EPHA5: variants seen among roughly 807,000 people sequenced by gnomAD.
EPHA5 encodes the protein EPH receptor A5.
EPHA5 carries 60 observed loss-of-function variants against 105.0 expected under a neutral mutation model. That is an observed-to-expected ratio of 0.57 (90% CI 0.46 to 0.71). The LOEUF (loss-of-function observed/expected upper bound fraction) is 0.71, where lower values mean the gene tolerates loss of function less well. Among genes scored for constraint, EPHA5 ranks in the 30% least tolerant of loss-of-function variants. The pLI is 0.00. For synonymous variants in EPHA5, 513 were observed against 449.1 expected (o/e 1.14, Z -1.80); for missense variants, 1,218 against 1,274.7 (o/e 0.96, Z 0.68).
At chr4:65,491,578 G>C (rs1376367823) in intron 4 of EPHA5, among the ~76,000 whole-genome samples, 1 of 152,018 alleles carries the variant, frequency 6.6e-6, no homozygotes, top group South Asian at 2.1e-4. Flanking sequence ...GCTTTCAGGA[G>C]TGAAACTTCC....
chr4:65,621,849 G>A (rs1434003444), intron 2 of EPHA5, among the ~76,000 whole-genome samples: 2 of 151,988 alleles, frequency 1.3e-5, no homozygotes, highest in Admixed American at 6.6e-5. Flanking sequence ...GCATCCCTAC[G>A]TATGTCTGTG....
chr4:65,333,228 T>C (rs1469027653), intron 15 of EPHA5, among the ~76,000 whole-genome samples: 2 of 151,640 alleles, frequency 1.3e-5, no homozygotes, highest in East Asian at 1.9e-4. Context: ...TTTACTTAAG[T>C]AAATTGCAAC....
intron 14 of EPHA5, among the ~76,000 whole-genome samples, chr4:65,347,294 A>G (rs1722316246): frequency 6.6e-6 from 1 of 152,212 alleles, no homozygotes; most frequent in African/African-American, 2.4e-5. Flanking sequence ...ATGTCTCATG[A>G]TAAGGGCTCA....
At chr4:65,380,233 T>C (rs967414201) in intron 8 of EPHA5, among the ~76,000 whole-genome samples, 11 of 151,806 alleles carry the variant, frequency 7.2e-5, no homozygotes, top group African/African-American at 2.7e-4. Flanking sequence ...TTAATCCAAG[T>C]TTAAAATAGC....
chr4:65,345,058 A>T (rs952311396), intron 14 of EPHA5, among the ~76,000 whole-genome samples: 5 of 152,200 alleles, frequency 3.3e-5, no homozygotes, highest in African/African-American at 7.2e-5. Context: ...ATTGTAAAAC[A>T]GTAACAATAA....
chr4:65,482,776 G>A (rs1418533442), intron 5 of EPHA5, among the ~76,000 whole-genome samples: 6 of 151,976 alleles, frequency 3.9e-5, no homozygotes, highest in Non-Finnish European at 8.8e-5. Context: ...CTCTGCAATA[G>A]CATCATATGT....
intron 13 of EPHA5, among the ~76,000 whole-genome samples, chr4:65,351,115 T>C (rs1722772861): frequency 6.6e-6 from 1 of 151,936 alleles, no homozygotes; most frequent in South Asian, 2.1e-4. Context: ...TATTCTTACA[T>C]GCTGTATCCA....
intron 5 of EPHA5, among the ~76,000 whole-genome samples, chr4:65,433,490 C>A (rs934647071): frequency 6.6e-6 from 1 of 152,176 alleles, no homozygotes; most frequent in Non-Finnish European, 1.5e-5. Context: ...ACTCTTGATT[C>A]TATTCACCCA....
rs533344476 is a variant in EPHA5 at position 65,480,360 on chromosome 4, A to C, written c.1402+10017T>G. Among the ~76,000 whole-genome samples the C allele has an allele frequency of 3.6e-4, 55 of 152,316 alleles. 1 individual carries two copies. Among genetic ancestry groups the C allele is most frequent in the Admixed American group, 2.5e-3 (38 of 15,298 alleles). On this transcript the variant is annotated intron_variant, in intron 5 of 16. Transcript: ENST00000613740. ...CTCTGGTAGGGAAGCCTGTCTTTCC[A>C]ACAAAAATATCAGAATTCAAAAAAC...
intron 8 of EPHA5, among the ~76,000 whole-genome samples, chr4:65,392,575 A>C (rs1720825235): frequency 6.6e-6 from 1 of 152,176 alleles, no homozygotes; most frequent in Admixed American, 6.6e-5. Flanking sequence ...TGACAATGGT[A>C]TAAGCATGTC....
intron 8 of EPHA5, among the ~76,000 whole-genome samples, chr4:65,395,031 G>A (rs1332570762): frequency 6.6e-6 from 1 of 152,120 alleles, no homozygotes; most frequent in Non-Finnish European, 1.5e-5. Flanking sequence ...TAAAAACTCT[G>A]ACATAAATAT....
At chr4:65,459,635 A>T (rs1027517318) in intron 5 of EPHA5, among the ~76,000 whole-genome samples, 1 of 151,764 alleles carries the variant, frequency 6.6e-6, no homozygotes, top group Non-Finnish European at 1.5e-5. Context: ...TCATACCAAG[A>T]ACATATATAG....
chr4:65,365,689 A>ATATATATATATATT (rs765636669), intron 10 of EPHA5, among the ~76,000 whole-genome samples: 2,900 of 93,462 alleles, frequency 0.031, 397 homozygotes, highest in Non-Finnish European at 0.051. Flanking sequence ...ATATATATAT[A>ATATATATATATATT]GTGAAACATT....
intron 8 of EPHA5, among the ~76,000 whole-genome samples, chr4:65,377,952 T>C (rs1452559976): frequency 6.6e-6 from 1 of 151,988 alleles, no homozygotes; most frequent in Non-Finnish European, 1.5e-5. Flanking sequence ...AGATAGGATA[T>C]ACCAGCAGGT....
chr4:65,625,968 C>T (rs140500101), intron 2 of EPHA5, among the ~76,000 whole-genome samples: 6,691 of 151,914 alleles, frequency 0.044, 484 homozygotes, highest in African/African-American at 0.15. Flanking sequence ...CGTTTGGTGG[C>T]GGGCGCCTCT....
intron 11 of EPHA5, among the ~76,000 whole-genome samples, chr4:65,364,777 C>T (rs1231001396): frequency 2.0e-5 from 3 of 151,392 alleles, no homozygotes; most frequent in Admixed American, 6.6e-5. Context: ...TATCTGGATA[C>T]ATTTTTGTCT....
intron 3 of EPHA5, among the ~76,000 whole-genome samples, chr4:65,541,129 G>A (rs1393832159): frequency 6.6e-6 from 1 of 151,154 alleles, no homozygotes; most frequent in Non-Finnish European, 1.5e-5. Context: ...GGAAAAATCG[G>A]TATCAGCCAC....
Position 65,570,795 on chromosome 4 carries a change from T to C in EPHA5, c.910+30846A>G, listed in dbSNP as rs140250566. On this transcript the variant is annotated intron_variant, in intron 3 of 16. Transcript: ENST00000613740. ...TTACTGTCAGTCTGTGACTATACAATAGTTTCTCCATTTAAAACCAATAAA... is the reference window on the plus strand; with the variant it reads ...TTACTGTCAGTCTGTGACTATACAACAGTTTCTCCATTTAAAACCAATAAA... Among the ~76,000 whole-genome samples, 9 of 152,170 alleles carry C rather than the reference T, an allele frequency of 5.9e-5. No individual in the cohort carries two copies. The East Asian group carries it at 1.7e-3, about 29-fold the overall frequency.
At chr4:65,669,412 G>T in intron 1 of EPHA5, 150 bp downstream of exon 1, 5 of 1,241,796 alleles carry the variant, frequency 4.0e-6, no homozygotes, top group Admixed American at 4.2e-5. Flanking sequence ...GAGCGAAAAG[G>T]CCAGTGGAAG....
Sources: allele counts gnomAD v4.1 joint callset (sites outside exome capture counted in the v4.1 genomes callset), GRCh38; gene constraint gnomAD v4.1.1; transcripts MANE v1.5; gene names NCBI Gene and HGNC (gene_info 2026-07-23, HGNC 2026-07-21).